The following DENND2A variants were observed in gnomAD, a reference collection of about 807,000 sequenced individuals.
DENND2A encodes DENN domain-containing protein 2A.
DENND2A carries 53 observed loss-of-function variants against 105.3 expected under a neutral mutation model. That is an observed-to-expected ratio of 0.50 (90% CI 0.40 to 0.63). DENND2A has a LOEUF of 0.63. DENND2A is among the 30% of genes least tolerant of loss of function. The pLI, the probability that DENND2A is intolerant of heterozygous loss-of-function variation, is 0.00. For missense variants in DENND2A, 1,138 were observed against 1,279.6 expected, an observed-to-expected ratio of 0.89 and a Z score of 1.69; for synonymous variants, 522 against 508.4, an observed-to-expected ratio of 1.03 and a Z score of -0.36.
intron 14 of DENND2A, 57 bp downstream of exon 14, chr7:140,544,561 A>C (rs1267420072): frequency 6.2e-7 from 1 of 1,609,352 alleles, no homozygotes; most frequent in African/African-American, 1.3e-5. Flanking sequence ...TACAGACTAG[A>C]GGGTCCAAGA....
At chr7:140,575,193 A>G (rs780615700) in intron 5 of DENND2A, among the ~76,000 whole-genome samples, 4 of 152,228 alleles carry the variant, frequency 2.6e-5, no homozygotes, top group Non-Finnish European at 4.4e-5. Flanking sequence ...AAATTTAGAG[A>G]AAAAGAAATA....
rs1799482442 is a variant in DENND2A, at chr7:140,601,461, G to A, written c.937C>T (p.Pro313Ser). 2 of 1,613,868 alleles carry A rather than the reference G, an allele frequency of 1.2e-6. No homozygotes were observed. Among genetic ancestry groups the A allele is most frequent in the Non-Finnish European group, 1.7e-6 (2 of 1,179,928 alleles). Residue 313 changes from proline (P) to serine (S), a missense_variant, in exon 3 of 20, where the codon CCT (proline) becomes TCT (serine). Transcript: ENST00000496613. ...CACAGTCTTCTGTTCACAGAGGAAG[G>A]TGGGGGAGAGGAGGGCAGAGGCGGG... ...PPPPLPSSPPPSSVNRRLWTG... is the reference protein window; with the variant it reads ...PPPPLPSSPPSSSVNRRLWTG...
chr7:140,641,056 C>T (rs1801187237), upstream of DENND2A, among the ~76,000 whole-genome samples: 1 of 152,182 alleles, frequency 6.6e-6, no homozygotes, highest in African/African-American at 2.4e-5. Flanking sequence ...CAGGCCCGGG[C>T]GGATTCGCGA....
Position 140,518,473 on chromosome 7 carries a change from C to A in DENND2A, c.*234G>T. On this transcript the variant is annotated 3_prime_UTR_variant, in exon 20 of 20. Coordinates refer to ENST00000496613, the MANE Select transcript of DENND2A (RefSeq NM_015689.5). ...AAAAAAAAAAACCCAACCACCAAAA[C>A]AACCCATTTGCATGTCGGCGACACG... The A allele has an allele frequency of 2.3e-6, 1 of 441,574 alleles. No homozygotes were observed. The highest frequency in any genetic ancestry group is 4.0e-5 in the Admixed American group (1 of 25,006). 27.4% of individuals were successfully genotyped at this position (441,574 alleles called of 1,614,324 possible). A position where few individuals can be genotyped will look rare whatever the true frequency, so the allele number is the denominator to read the frequency against.
In DENND2A at chr7:140,630,116, C is replaced by CT. The variant is rs879553771; in HGVS notation, c.-248+10387dup. On this transcript the variant is annotated intron_variant, in intron 1 of 19. Coordinates refer to ENST00000496613, the MANE Select transcript of DENND2A (RefSeq NM_015689.5). ...CCTCAAATGAGCCACTGCGCCAGGT[C>CT]TTTTTTTTTTTTAAGACAGGGTCTC... is the stretch of plus-strand genomic sequence containing the variant. Among the ~76,000 whole-genome samples the CT allele has an allele frequency of 5.3e-3, 762 of 142,806 alleles. 4 individuals carry two copies. The highest frequency in any genetic ancestry group is 0.022 in the Middle Eastern group (6 of 272). 93.7% of individuals were successfully genotyped at this position (142,806 alleles called of 152,430 possible).
chr7:140,557,699 C>A (rs1287511369), intron 11 of DENND2A, among the ~76,000 whole-genome samples: 1 of 147,092 alleles, frequency 6.8e-6, no homozygotes. Context: ...GCCACCATGC[C>A]CGGCTAATTT....
At chr7:140,552,329 T>TCCTTCCTTTCCCTCTCTCTCTC (rs1563134921) in intron 12 of DENND2A, among the ~76,000 whole-genome samples, 1 of 151,898 alleles carries the variant, frequency 6.6e-6, no homozygotes, top group Admixed American at 6.6e-5. Context: ...CATTTTCCCT[T>TCCTTCCTTTCCCTCTCTCTCTC]CCTTCCTTTC....
intron 1 of DENND2A, among the ~76,000 whole-genome samples, chr7:140,622,062 GC>G (rs1800313543): frequency 6.6e-6 from 1 of 152,156 alleles, no homozygotes. Flanking sequence ...CTTTCTGAAA[GC>G]TGTTGCCAAG....
chr7:140,532,391 T>C (rs559148636), intron 14 of DENND2A, among the ~76,000 whole-genome samples: 73 of 152,348 alleles, frequency 4.8e-4, no homozygotes, highest in African/African-American at 1.7e-3. Context: ...AAGTGGTTCA[T>C]GAGAAGATCC....
rs4448176 is a variant in DENND2A at position 140,594,009 on chromosome 7, G to A, written c.996-6229C>T. On this transcript the variant is annotated intron_variant, in intron 3 of 19. Transcript: ENST00000496613. ...CAACCTCTGCCTCCTGGATTCAGGC[G>A]ATTCTCCTGCCTCAGCCTCCCAAGT... is the stretch of plus-strand genomic sequence containing the variant. Among the ~76,000 whole-genome samples the A allele has an allele frequency of 7.2e-3, 1,094 of 151,732 alleles. 15 individuals are homozygous for A. Among genetic ancestry groups the A allele is most frequent in the South Asian group, 0.023 (111 of 4,802 alleles).
At chr7:140,552,821 T>G (rs912573760) in intron 12 of DENND2A, among the ~76,000 whole-genome samples, 1 of 152,220 alleles carries the variant, frequency 6.6e-6, no homozygotes, top group African/African-American at 2.4e-5. Context: ...TCTACTGGCC[T>G]CAGCCTCCTG....
Position 140,544,682 on chromosome 7 carries a change from G to A in DENND2A, c.2263C>T (p.Leu755=). 1 of 1,614,054 alleles carries A rather than the reference G, an allele frequency of 6.2e-7. No individual in the cohort carries two copies. The highest frequency in any genetic ancestry group is 1.1e-5 in the South Asian group (1 of 91,042). ...AGCAGGGAGGCAAACACACAGACCAGGTGGCGGACGCTGAGGGAGGAGAAG... is the reference window on the plus strand; with the variant it reads ...AGCAGGGAGGCAAACACACAGACCAAGTGGCGGACGCTGAGGGAGGAGAAG... ...SLFSSLSVRH[L]VCVFASLLLE... is the part of the protein sequence containing the mutation. The change falls in exon 14 of 20, where the codon CTG becomes TTG. Residue 755 remains leucine (L), a synonymous_variant. Transcript: ENST00000496613.
chr7:140,569,217 G>A (rs532463647), intron 7 of DENND2A, among the ~76,000 whole-genome samples: 23 of 152,256 alleles, frequency 1.5e-4, no homozygotes, highest in African/African-American at 4.8e-4. Context: ...GTGAGCCACC[G>A]CGCCCCGCCT....
intron 3 of DENND2A, among the ~76,000 whole-genome samples, chr7:140,595,787 T>C (rs1352913178): frequency 1.3e-5 from 2 of 151,130 alleles, no homozygotes; most frequent in African/African-American, 4.9e-5. Flanking sequence ...AAAGCTTGGC[T>C]AGCCTGGCAC....
rs1164036058 is a variant in DENND2A at position 140,587,686 on chromosome 7, A to C, written c.1090T>G (p.Leu364Val). Residue 364 changes from leucine to valine, a missense_variant, in exon 4 of 20, where the codon TTA (leucine) becomes GTA (valine). Coordinates refer to ENST00000496613, the MANE Select transcript of DENND2A (RefSeq NM_015689.5). ...TCTTCATAGACGTTCTCCTCCGATAAAGTGCGTGTCAGCCCCAGCTTAGTC... is the reference window on the plus strand; with the variant it reads ...TCTTCATAGACGTTCTCCTCCGATACAGTGCGTGTCAGCCCCAGCTTAGTC... Reference protein sequence around the residue: ...AQTKLGLTRTLSEENVYEDIL... With the variant: ...AQTKLGLTRTVSEENVYEDIL... 6.2e-7 allele frequency: 1 copy of C among 1,613,804 alleles called. No individual in the cohort carries two copies.
intron 1 of DENND2A, among the ~76,000 whole-genome samples, chr7:140,613,239 C>T (rs1174074591): frequency 6.6e-6 from 1 of 151,874 alleles, no homozygotes. Flanking sequence ...TATAATCGCA[C>T]CTGTGAATAG....
At chr7:140,563,434 A>G (rs1262385286) in intron 9 of DENND2A, among the ~76,000 whole-genome samples, 2 of 152,160 alleles carry the variant, frequency 1.3e-5, no homozygotes, top group African/African-American at 4.8e-5. Flanking sequence ...GTCTCCCTGA[A>G]CTGTCAAAGA....
chr7:140,638,166 G>A (rs1010798837), intron 1 of DENND2A, among the ~76,000 whole-genome samples: 10 of 151,978 alleles, frequency 6.6e-5, no homozygotes, highest in African/African-American at 2.4e-4. Context: ...ATTTTGTTCT[G>A]AGAATTAATT....
intron 12 of DENND2A, among the ~76,000 whole-genome samples, chr7:140,549,504 C>T (rs933193319): frequency 1.1e-4 from 17 of 152,154 alleles, no homozygotes; most frequent in African/African-American, 3.4e-4. Flanking sequence ...CCAACCACCT[C>T]GGCCTCCCAA....
Sources: allele counts gnomAD v4.1 joint callset (sites outside exome capture counted in the v4.1 genomes callset), GRCh38; gene constraint gnomAD v4.1.1; transcripts MANE v1.5; gene names NCBI Gene and HGNC (gene_info 2026-07-23, HGNC 2026-07-21).